Variants in RYR2 observed in about 807,000 individuals in gnomAD.
RYR2 encodes ryanodine receptor 2.
A neutral mutation model predicts 601.1 loss-of-function variants in RYR2; 227 were observed. The ratio of observed to expected loss-of-function variants is 0.38; its 90% CI spans 0.34 to 0.42. The LOEUF (loss-of-function observed/expected upper bound fraction) is 0.42, where lower values mean the gene tolerates loss of function less well. Ranked by LOEUF, RYR2 falls within the 10% of genes least tolerant of loss-of-function variation. The probability of loss-of-function intolerance (pLI) is 1.00; values close to 1 mark genes in which losing one functional copy is unlikely to be tolerated. For synonymous variants in RYR2, 2,223 were observed against 2,175.1 expected, an observed-to-expected ratio of 1.02 and a Z score of -0.61; for missense variants, 4,646 against 6,156.5, an observed-to-expected ratio of 0.75 and a Z score of 8.21.
chr1:237,812,727 C>A (rs187174847), intron 100 of RYR2, among the ~76,000 whole-genome samples: 256 of 152,244 alleles, frequency 1.7e-3, no homozygotes, highest in Non-Finnish European at 3.1e-3. Context: ...TAGTCTTCTT[C>A]TCCGATTAAT....
intron 2 of RYR2, among the ~76,000 whole-genome samples, chr1:237,308,643 C>T (rs1247693788): frequency 6.6e-6 from 1 of 152,158 alleles, no homozygotes; most frequent in Non-Finnish European, 1.5e-5. Context: ...GATTCCTGGT[C>T]TTGCTGGCCT....
intron 27 of RYR2, among the ~76,000 whole-genome samples, chr1:237,566,102 A>G (rs1559037722): frequency 6.6e-6 from 1 of 152,110 alleles, no homozygotes; most frequent in Non-Finnish European, 1.5e-5. Flanking sequence ...CACTGTTTAC[A>G]ACTTTCCCTT....
intron 73 of RYR2, among the ~76,000 whole-genome samples, chr1:237,722,019 A>C (rs1166145532): frequency 1.3e-5 from 2 of 152,104 alleles, no homozygotes; most frequent in African/African-American, 4.8e-5. Context: ...CTTTATGATG[A>C]GTGTGATTTT....
intron 1 of RYR2, among the ~76,000 whole-genome samples, chr1:237,239,217 TTGTC>T (rs1159845279): frequency 1.3e-5 from 2 of 152,142 alleles, no homozygotes; most frequent in Admixed American, 6.5e-5. Context: ...GCAGGGTTGT[TTGTC>T]TGGGGTAATA....
At chr1:237,236,930 A>T (rs1685606834) in intron 1 of RYR2, among the ~76,000 whole-genome samples, 1 of 152,120 alleles carries the variant, frequency 6.6e-6, no homozygotes, top group Admixed American at 6.5e-5. Context: ...TCCCCACCCA[A>T]ATTTTATTTC....
At chr1:237,629,364 A>G (rs905395799) in intron 41 of RYR2, among the ~76,000 whole-genome samples, 1 of 152,030 alleles carries the variant, frequency 6.6e-6, no homozygotes, top group African/African-American at 2.4e-5. Context: ...CACCCCCTAA[A>G]TATTTAAAAT....
intron 1 of RYR2, among the ~76,000 whole-genome samples, chr1:237,209,497 A>ATGTGTGTGTGTGGGTGTGTG (rs1682322744): frequency 7.0e-6 from 1 of 143,304 alleles, no homozygotes; most frequent in South Asian, 2.2e-4. Context: ...ATCTGCATAT[A>ATGTGTGTGTGTGGGTGTGTG]TGTGTGTGTG....
intron 1 of RYR2, among the ~76,000 whole-genome samples, chr1:237,266,969 A>G (rs1202156750): frequency 6.6e-6 from 1 of 152,238 alleles, no homozygotes; most frequent in African/African-American, 2.4e-5. Flanking sequence ...GCACTCCATC[A>G]TACAATGTTA....
At chr1:237,232,602 A>G (rs1158840768) in intron 1 of RYR2, among the ~76,000 whole-genome samples, 1 of 152,148 alleles carries the variant, frequency 6.6e-6, no homozygotes, top group Non-Finnish European at 1.5e-5. Context: ...AAACCCAAGG[A>G]GAGGGTCATG....
At chr1:237,668,273 T>C (rs1164673127) in intron 58 of RYR2, among the ~76,000 whole-genome samples, 1 of 152,198 alleles carries the variant, frequency 6.6e-6, no homozygotes, top group Non-Finnish European at 1.5e-5. Flanking sequence ...CCAACTTAAA[T>C]ATCTCCTATC....
At chr1:237,388,008 A>T in intron 9 of RYR2, 79 bp from the exon 10 acceptor site, 2 of 1,289,954 alleles carry the variant, frequency 1.6e-6, no homozygotes, top group Non-Finnish European at 2.2e-6. Context: ...CGAAAGTAGA[A>T]GATTGGACCA....
At chr1:237,771,338 G>C (rs1220768540) in intron 85 of RYR2, among the ~76,000 whole-genome samples, 2 of 151,748 alleles carry the variant, frequency 1.3e-5, no homozygotes, top group Non-Finnish European at 2.9e-5. Context: ...TTGAGGCCAG[G>C]AGTTCGAGGC....
chr1:237,349,483 G>C (rs10925379), intron 3 of RYR2, among the ~76,000 whole-genome samples: 19,929 of 152,108 alleles, frequency 0.13, 1,541 homozygotes, highest in East Asian at 0.33. Flanking sequence ...AAATGCAGGA[G>C]GGAAAGAAGA....
intron 1 of RYR2, among the ~76,000 whole-genome samples, chr1:237,124,252 A>C (rs546666546): frequency 2.0e-5 from 3 of 152,328 alleles, no homozygotes; most frequent in African/African-American, 7.2e-5. Flanking sequence ...CTCTTAGTGT[A>C]GGAAGGACAT....
chr1:237,517,319 T>C (rs1255131453), intron 24 of RYR2, among the ~76,000 whole-genome samples: 1 of 152,208 alleles, frequency 6.6e-6, no homozygotes, highest in Admixed American at 6.5e-5. Context: ...TTATAACACC[T>C]GATAGTGTGT....
chr1:237,212,424 C>T (rs777884215), intron 1 of RYR2, among the ~76,000 whole-genome samples: 60 of 152,130 alleles, frequency 3.9e-4, no homozygotes, highest in Non-Finnish European at 7.2e-4. Flanking sequence ...TATCCTTATA[C>T]ATGTGTCTTT....
rs1375006417 is a variant in RYR2, at chr1:237,456,594, T to C, written c.1477-6T>C. 1 of 1,495,666 alleles carries C rather than the reference T, an allele frequency of 6.7e-7. No individual in the cohort carries two copies. The highest frequency in any genetic ancestry group is 9.0e-7 in the Non-Finnish European group (1 of 1,113,570). The allele number at this position is 1,495,666 out of a possible 1,614,324, so 92.6% of individuals were successfully genotyped here. A position where few individuals can be genotyped will look rare whatever the true frequency, so the allele number is the denominator to read the frequency against. On this transcript the variant is annotated splice_region_variant and splice_polypyrimidine_tract_variant and intron_variant, in intron 15 of 104. Transcript: ENST00000366574. ...ATTGTGATTTTTTTTTTTTTTAACG[T>C]TCCAGGGAATGATCAACCTCGTGCT...
intron 2 of RYR2, among the ~76,000 whole-genome samples, chr1:237,296,571 G>A (rs904190534): frequency 2.6e-5 from 4 of 152,336 alleles, no homozygotes; most frequent in South Asian, 4.1e-4. Context: ...GTCCTGTTTT[G>A]ATTGTGTTTG....
At position 237,709,113 on chromosome 1, in the gene RYR2, A is replaced by C. The variant is rs533014374; in HGVS notation, c.10142+15A>C. Reference sequence around the variant, plus strand: ...GACTATAACAGGTATGATCAAAAGTAATTTAGTAATTTCTCCAATTCGGTC... The same window carrying C: ...GACTATAACAGGTATGATCAAAAGTCATTTAGTAATTTCTCCAATTCGGTC... On this transcript the variant is annotated intron_variant, in intron 69 of 104. Coordinates refer to ENST00000366574, the MANE Select transcript of RYR2 (RefSeq NM_001035.3). The C allele has an allele frequency of 1.3e-6, 2 of 1,540,254 alleles. No homozygotes were observed. Among genetic ancestry groups the C allele is most frequent in the Non-Finnish European group, 8.7e-7 (1 of 1,144,714 alleles).
Sources: allele counts gnomAD v4.1 joint callset (sites outside exome capture counted in the v4.1 genomes callset), GRCh38; gene constraint gnomAD v4.1.1; transcripts MANE v1.5; gene names NCBI Gene and HGNC (gene_info 2026-07-23, HGNC 2026-07-21).